The following SLIT1 variants were observed in gnomAD, a reference collection of about 807,000 sequenced individuals.
SLIT1 encodes slit homolog 1 protein.
A neutral mutation model predicts 186.1 loss-of-function variants in SLIT1; 66 were observed. That is an observed-to-expected ratio of 0.35 (90% CI 0.29 to 0.44). The LOEUF is 0.44. Among genes scored for constraint, SLIT1 ranks in the 20% least tolerant of loss-of-function variants. The pLI, the probability that SLIT1 is intolerant of heterozygous loss-of-function variation, is 1.00. For missense variants in SLIT1, 1,638 were observed against 2,037.4 expected (o/e 0.80, Z 3.77); for synonymous variants, 761 against 833.8 (o/e 0.91, Z 1.50).
chr10:97,173,240 C>A (rs1010551886), intron 1 of SLIT1, among the ~76,000 whole-genome samples: 2 of 152,202 alleles, frequency 1.3e-5, no homozygotes, highest in Non-Finnish European at 2.9e-5. Flanking sequence ...TTCAGGAGAG[C>A]CAGGGTAGCC....
chr10:97,163,274 G>A (rs1457586525), intron 3 of SLIT1, 106 bp downstream of exon 3: 2 of 929,012 alleles, frequency 2.2e-6, no homozygotes, highest in Non-Finnish European at 3.4e-6. Context: ...GCTGGGCATG[G>A]GGTCCCCTCC....
chr10:97,019,059 C>T lies in SLIT1; in HGVS notation c.2795G>A (p.Ser932Asn). 6.2e-7 allele frequency: 1 copy of T among 1,613,992 alleles called. No individual in the cohort carries two copies. The highest frequency in any genetic ancestry group is 8.5e-7 in the Non-Finnish European group (1 of 1,179,972). Residue 932 changes from serine to asparagine, a missense_variant, in exon 27 of 37, where the codon AGT (serine) becomes AAT (asparagine). This residue lies in a region of SLIT1 where 1,245 missense variants were observed against 1,535.3 expected (regional missense o/e 0.81). Coordinates refer to ENST00000266058, the MANE Select transcript of SLIT1 (RefSeq NM_003061.3). ...VQAKCDLCLS[S>N]PCQNQGTCHN... ...GCAGGTGCCCTGGTTCTGGCACGGACTGGACAAGCAGAGATCACACTTGGC... is the reference window on the plus strand; with the variant it reads ...GCAGGTGCCCTGGTTCTGGCACGGATTGGACAAGCAGAGATCACACTTGGC...
chr10:97,141,138 C>T (rs534984798), intron 4 of SLIT1, among the ~76,000 whole-genome samples: 43 of 152,288 alleles, frequency 2.8e-4, no homozygotes, highest in South Asian at 1.0e-3. Context: ...AGCTCCAGCA[C>T]GCAGTTCTGG....
chr10:97,040,423 C>T (rs1848680827), intron 20 of SLIT1, among the ~76,000 whole-genome samples: 1 of 152,134 alleles, frequency 6.6e-6, no homozygotes, highest in Non-Finnish European at 1.5e-5. Flanking sequence ...CCCCGGAGTG[C>T]CTGCTACTCC....
intron 1 of SLIT1, among the ~76,000 whole-genome samples, chr10:97,178,106 G>A (rs1002565623): frequency 1.5e-4 from 23 of 152,246 alleles, no homozygotes; most frequent in South Asian, 1.2e-3. Context: ...GCTAAAACTC[G>A]GGGGATGAAA....
Position 97,131,495 on chromosome 10 carries a change from A to G in SLIT1, c.413+26323T>C, listed in dbSNP as rs766949127. ...CCAGCCATGCTGGGTATGGCCAACA[A>G]CACACTCACCGCATTCACAAGCACG... On this transcript the variant is annotated intron_variant, in intron 4 of 36. Coordinates refer to ENST00000266058, the MANE Select transcript of SLIT1 (RefSeq NM_003061.3). 1.1e-3 allele frequency among the ~76,000 whole-genome samples: 164 copies of G among 152,274 alleles called. 1 individual carries two copies. Among genetic ancestry groups the G allele is most frequent in the Non-Finnish European group, 2.0e-3 (136 of 68,014 alleles).
Position 97,185,530 on chromosome 10 carries a change from C to A in SLIT1, c.145G>T (p.Gly49Cys). ...TCTGTTVDCH[G>C]TGLQAIPKNI... is the part of the protein sequence containing the mutation. ...TTGGGAATGGCCTGCAGCCCCGTGC[C>A]GTGGCAGTCCACCGTGGTTCCGGTG... Residue 49 changes from glycine to cysteine, a missense_variant, in exon 1 of 37, where the codon GGC becomes TGC. Gly to Cys is a radical substitution (Grantham distance 159, BLOSUM62 -3). Around this residue, in one of 3 missense-constraint regions of SLIT1, gnomAD observed 1,245 missense variants for 1,535.3 expected, o/e 0.81. Coordinates refer to ENST00000266058, the MANE Select transcript of SLIT1 (RefSeq NM_003061.3). 6 of 1,612,266 alleles carry A rather than the reference C, an allele frequency of 3.7e-6. No individual in the cohort carries two copies. Among genetic ancestry groups the A allele is most frequent in the Non-Finnish European group, 5.1e-6 (6 of 1,179,670 alleles).
chr10:97,067,728 C>T (rs1002735177), intron 4 of SLIT1, among the ~76,000 whole-genome samples: 6 of 152,170 alleles, frequency 3.9e-5, no homozygotes, highest in Admixed American at 2.6e-4. Flanking sequence ...AGCCTTGCCC[C>T]AGACACACCG....
chr10:97,052,391 C>T (rs1848797473), intron 13 of SLIT1, among the ~76,000 whole-genome samples: 1 of 152,282 alleles, frequency 6.6e-6, no homozygotes, highest in East Asian at 1.9e-4. Context: ...TGAGCCACTG[C>T]ACCTGGCCTG....
chr10:97,066,609 C>A (rs1848949051), intron 4 of SLIT1, among the ~76,000 whole-genome samples: 1 of 152,128 alleles, frequency 6.6e-6, no homozygotes, highest in Non-Finnish European at 1.5e-5. Flanking sequence ...TCTCCCTCTC[C>A]TTCACTCTCC....
chr10:97,153,522 C>T (rs548526803), intron 4 of SLIT1: 26 of 149,804 alleles, frequency 1.7e-4, no homozygotes, highest in African/African-American at 6.1e-4. Context: ...AGTGAGAGAA[C>T]AGGAATGCCA....
intron 4 of SLIT1, among the ~76,000 whole-genome samples, chr10:97,137,959 C>T (rs564237131): frequency 2.6e-5 from 4 of 152,308 alleles, no homozygotes; most frequent in East Asian, 3.9e-4. Context: ...GCCAGGTCCC[C>T]GAGCCGGTGA....
chr10:97,070,194 G>C (rs1848989294), intron 4 of SLIT1, among the ~76,000 whole-genome samples: 2 of 152,226 alleles, frequency 1.3e-5, no homozygotes, highest in African/African-American at 4.8e-5. Context: ...GAACCACCCA[G>C]CCACCTACAG....
Position 97,000,207 on chromosome 10 carries a change from C to G in SLIT1, c.*905G>C, listed in dbSNP as rs2134582264. On this transcript the variant is annotated 3_prime_UTR_variant, in exon 37 of 37. Transcript: ENST00000266058. ...CCAGGTCAAGCACCCTGGCCCAGAC[C>G]CTCACACCCAGTCCCTCTACCAATA... 6.6e-6 allele frequency: 1 copy of G among 152,522 alleles called. No individual in the cohort carries two copies. The highest frequency in any genetic ancestry group is 1.9e-4 in the East Asian group (1 of 5,184). 9.4% of individuals were successfully genotyped at this position (152,522 alleles called of 1,614,324 possible). A position where few individuals can be genotyped will look rare whatever the true frequency, so the allele number is the denominator to read the frequency against.
At position 96,999,420 on chromosome 10, in the gene SLIT1, C is replaced by T. The variant is rs1218163040; in HGVS notation, c.*1692G>A. The T allele has an allele frequency of 6.6e-6, 1 of 152,402 alleles. No individual in the cohort carries two copies. The highest frequency in any genetic ancestry group is 1.9e-4 in the East Asian group (1 of 5,186). The allele number at this position is 152,402 out of a possible 1,614,324, so 9.4% of individuals were successfully genotyped here. Reference sequence around the variant, plus strand: ...CTTCTAATCAGCATCAAGGGCTCCCCTCACTGCCCTGGGCAGGGGACAGGG... The same window carrying T: ...CTTCTAATCAGCATCAAGGGCTCCCTTCACTGCCCTGGGCAGGGGACAGGG... On this transcript the variant is annotated 3_prime_UTR_variant, in exon 37 of 37. Transcript: ENST00000266058.
chr10:97,082,460 A>C (rs993436441), intron 4 of SLIT1, among the ~76,000 whole-genome samples: 1 of 152,024 alleles, frequency 6.6e-6, no homozygotes, highest in Non-Finnish European at 1.5e-5. Flanking sequence ...TTTTGAGAGG[A>C]GTCTCGCTCT....
At chr10:97,095,933 G>C (rs574774924) in intron 4 of SLIT1, among the ~76,000 whole-genome samples, 2 of 152,326 alleles carry the variant, frequency 1.3e-5, no homozygotes, top group East Asian at 3.9e-4. Flanking sequence ...GGGCCTGAGA[G>C]TCTGTGTTAC....
At chr10:97,063,036 G>A (rs184546755) in intron 8 of SLIT1, among the ~76,000 whole-genome samples, 2 of 152,318 alleles carry the variant, frequency 1.3e-5, no homozygotes, top group African/African-American at 4.8e-5. Context: ...ATGGAAAAGG[G>A]GGTGATAGCA....
intron 4 of SLIT1, among the ~76,000 whole-genome samples, chr10:97,104,244 C>T (rs1270250370): frequency 6.6e-6 from 1 of 152,044 alleles, no homozygotes; most frequent in African/African-American, 2.4e-5. Flanking sequence ...GCACAGAGAA[C>T]AGTCAGTGCC....
Sources: allele counts gnomAD v4.1 joint callset (sites outside exome capture counted in the v4.1 genomes callset), GRCh38; gene constraint gnomAD v4.1.1; regional missense constraint gnomAD v4.1.1; transcripts MANE v1.5; gene names NCBI Gene and HGNC (gene_info 2026-07-23, HGNC 2026-07-21).